Variants in MAP3K12 observed in about 807,000 individuals in gnomAD.
MAP3K12 encodes MAPK-upstream kinase.
Under a neutral mutation model 87.5 loss-of-function variants are expected in MAP3K12, and 14 were observed. The ratio of observed to expected loss-of-function variants is 0.16; its 90% CI spans 0.11 to 0.25. The LOEUF is 0.25. MAP3K12 is among the 10% of genes least tolerant of loss of function. The pLI, the probability that MAP3K12 is intolerant of heterozygous loss-of-function variation, is 1.00. For missense variants in MAP3K12, 802 were observed against 1,140.4 expected (o/e 0.70, Z 4.27); for synonymous variants, 469 against 452.5 (o/e 1.04, Z -0.46).
chr12:53,498,886 A>C (rs1453685754), intron 1 of MAP3K12, among the ~76,000 whole-genome samples: 2 of 143,794 alleles, frequency 1.4e-5, no homozygotes, highest in African/African-American at 5.3e-5. Flanking sequence ...GTGCTCTCTG[A>C]CTAATCTTCA....
At position 53,487,294 on chromosome 12, in the gene MAP3K12, G is replaced by A; in HGVS notation, c.98C>T (p.Thr33Ile). 6.2e-7 allele frequency: 1 copy of A among 1,614,066 alleles called. No individual in the cohort carries two copies. Residue 33 changes from threonine (T) to isoleucine (I), a missense_variant, in exon 2 of 14, where the codon ACT becomes ATT. Physicochemically the swap from Thr to Ile is moderately conservative, Grantham distance 89. Coordinates refer to ENST00000547488, the MANE Select transcript of MAP3K12 (RefSeq NM_001193511.2). ...GTCCTTCTCGGGAGTGCAGTCAGAA[G>A]TGTCTGGGTCCAGCTTGCGCATGGA... ...EASMRKLDPD[T>I]SDCTPEKDLT...
chr12:53,492,450 T>TGCGCGCGC (rs764285512), intron 1 of MAP3K12, among the ~76,000 whole-genome samples: 11 of 151,112 alleles, frequency 7.3e-5, no homozygotes, highest in Admixed American at 7.3e-4. Context: ...ACACTCTCTC[T>TGCGCGCGC]GCGCGCGCGC....
upstream of MAP3K12, chr12:53,500,456 C>T (rs1455089655): frequency 6.6e-6 from 1 of 152,240 alleles, no homozygotes; most frequent in Admixed American, 6.5e-5. Flanking sequence ...ATTATCAGGC[C>T]CCAGAGGTTT....
chr12:53,488,281 T>C lies in MAP3K12; in HGVS notation c.-37-853A>G, dbSNP rs141565759. On this transcript the variant is annotated intron_variant, in intron 1 of 13. Transcript: ENST00000547488. Reference sequence around the variant, plus strand: ...GTCAAACAAGGTCTTGTCTTCTCTTTCCTCTTCTCCATTGCCCCATCCTCT... The same window carrying C: ...GTCAAACAAGGTCTTGTCTTCTCTTCCCTCTTCTCCATTGCCCCATCCTCT... Among the ~76,000 whole-genome samples the C allele has an allele frequency of 4.0e-3, 609 of 152,338 alleles. 4 individuals carry two copies. The highest frequency in any genetic ancestry group is 0.012 in the African/African-American group (485 of 41,560).
At chr12:53,497,987 G>A (rs1374959486) in intron 1 of MAP3K12, among the ~76,000 whole-genome samples, 1 of 152,152 alleles carries the variant, frequency 6.6e-6, no homozygotes, top group Non-Finnish European at 1.5e-5. Context: ...CAGCTATAAG[G>A]AAGCCTAGGA....
intron 1 of MAP3K12, among the ~76,000 whole-genome samples, chr12:53,490,326 G>A (rs1279580382): frequency 2.0e-5 from 3 of 151,984 alleles, no homozygotes; most frequent in Non-Finnish European, 4.4e-5. Flanking sequence ...AAACAGATTG[G>A]GCCAGGCATG....
chr12:53,485,738 A>C, intron 4 of MAP3K12: 1 of 509,444 alleles, frequency 2.0e-6, no homozygotes, highest in East Asian at 3.6e-5. Context: ...TTGTATTTTT[A>C]TTAGAGACGA....
chr12:53,495,263 CA>C, intron 1 of MAP3K12, among the ~76,000 whole-genome samples: 1 of 136,062 alleles, frequency 7.3e-6, no homozygotes, highest in East Asian at 2.4e-4. Flanking sequence ...GGCGTGAACC[CA>C]GGGGGCGGAG....
At chr12:53,493,560 A>G (rs1275400712) in intron 1 of MAP3K12, 1 of 152,800 alleles carries the variant, frequency 6.5e-6, no homozygotes, top group East Asian at 1.9e-4. Context: ...AGCGGAGTCA[A>G]CCCCGAGAAG....
rs888488589 is a variant in MAP3K12, at chr12:53,479,894, G to A, written c.*1288C>T. ...TTTTTGTACCTTTTATCCCTCAAAGGACCCTTCTTGGGTTTTGAATGGAAG... is the reference window on the plus strand; with the variant it reads ...TTTTTGTACCTTTTATCCCTCAAAGAACCCTTCTTGGGTTTTGAATGGAAG... On this transcript the variant is annotated 3_prime_UTR_variant, in exon 14 of 14. Coordinates refer to ENST00000547488, the MANE Select transcript of MAP3K12 (RefSeq NM_001193511.2). 1.3e-5 allele frequency: 2 copies of A among 152,744 alleles called. No individual in the cohort carries two copies. The highest frequency in any genetic ancestry group is 2.1e-4 in the South Asian group (1 of 4,872). 9.5% of individuals were successfully genotyped at this position (152,744 alleles called of 1,614,324 possible).
intron 13 of MAP3K12, chr12:53,481,583 T>C: frequency 3.1e-6 from 1 of 320,670 alleles, no homozygotes. Flanking sequence ...CTCCTGACCT[T>C]GTGATCCACC....
chr12:53,486,876 T>G lies in MAP3K12; in HGVS notation c.445+71A>C. The G allele has an allele frequency of 6.3e-7, 1 of 1,583,734 alleles. No individual in the cohort carries two copies. The highest frequency in any genetic ancestry group is 1.2e-5 in the South Asian group (1 of 85,580). On this transcript the variant is annotated intron_variant, in intron 2 of 13. Coordinates refer to ENST00000547488, the MANE Select transcript of MAP3K12 (RefSeq NM_001193511.2). The surrounding 1 kb of genome is among the most constrained non-coding windows in gnomAD (Gnocchi z 4.9). The stretch of plus-strand genomic sequence containing the variant: ...GGAGGGAAGGGACCATTGCGTGACT[T>G]TAGCGGAGCTGACCAACAGATCTCG...
chr12:53,481,334 C>T (rs1943032811), intron 13 of MAP3K12, 54 bp from the exon 14 acceptor site: 2 of 1,017,860 alleles, frequency 2.0e-6, no homozygotes, highest in South Asian at 4.0e-5. Flanking sequence ...TTGCTGGGGT[C>T]ATTTTAATAG....
rs1476385268 is a variant in MAP3K12, at chr12:53,480,153, T to G, written c.*1029A>C. 5 of 152,184 alleles carry G rather than the reference T, an allele frequency of 3.3e-5. No homozygotes were observed. Among genetic ancestry groups the G allele is most frequent in the Admixed American group, 1.3e-4 (2 of 15,278 alleles). The allele number at this position is 152,184 out of a possible 1,614,324, so 9.4% of individuals were successfully genotyped here. On this transcript the variant is annotated 3_prime_UTR_variant, in exon 14 of 14. Coordinates refer to ENST00000547488, the MANE Select transcript of MAP3K12 (RefSeq NM_001193511.2). Reference sequence around the variant, plus strand: ...CACATGACATACATGGCATACACATTAAGCAGTTGATCATATGTCTGACTG... The same window carrying G: ...CACATGACATACATGGCATACACATGAAGCAGTTGATCATATGTCTGACTG...
chr12:53,492,569 G>T (rs773042982), intron 1 of MAP3K12, among the ~76,000 whole-genome samples: 1 of 152,142 alleles, frequency 6.6e-6, no homozygotes, highest in Non-Finnish European at 1.5e-5. Context: ...GGCCCAGAAA[G>T]CACAAATCAC....
At position 53,491,866 on chromosome 12, in the gene MAP3K12, G is replaced by T. The variant is rs80335608; in HGVS notation, c.-37-4438C>A. Among the ~76,000 whole-genome samples the T allele has an allele frequency of 3.4e-3, 515 of 151,778 alleles. 8 individuals are homozygous for T. In the East Asian group the frequency reaches 0.041, roughly 12 times the overall value. ...AGGTGGGCGGATCGCTTGAGCTCGG[G>T]AGTTTGAGACCAGCCTGGGGAACAT... On this transcript the variant is annotated intron_variant, in intron 1 of 13. Coordinates refer to ENST00000547488, the MANE Select transcript of MAP3K12 (RefSeq NM_001193511.2).
Position 53,486,015 on chromosome 12 carries a change from C to A in MAP3K12, c.821+41G>T. 2 of 1,555,346 alleles carry A rather than the reference C, an allele frequency of 1.3e-6. No individual in the cohort carries two copies. The highest frequency in any genetic ancestry group is 1.2e-5 in the South Asian group (1 of 81,826). On this transcript the variant is annotated intron_variant, in intron 4 of 13. Coordinates refer to ENST00000547488, the MANE Select transcript of MAP3K12 (RefSeq NM_001193511.2). The surrounding 1 kb of genome is among the most constrained non-coding windows in gnomAD (Gnocchi z 4.9). ...GAAGGCCACACTGACTTGAGTGGGT[C>A]ACCTGCATGCACATCTGTTGCTCCC... is the stretch of plus-strand genomic sequence containing the variant.
intron 6 of MAP3K12, chr12:53,484,776 A>G: frequency 7.9e-6 from 4 of 504,170 alleles, no homozygotes; most frequent in Non-Finnish European, 1.4e-5. Flanking sequence ...CTTGGTGGTT[A>G]TGCTGCTCCT....
rs1181830709 is a variant in MAP3K12, at chr12:53,481,144, A to G, written c.*38T>C. The G allele has an allele frequency of 1.1e-6, 1 of 887,376 alleles. No homozygotes were observed. Among genetic ancestry groups the G allele is most frequent in the African/African-American group, 1.8e-5 (1 of 55,988 alleles). The allele number at this position is 887,376 out of a possible 1,614,324, so 55.0% of individuals were successfully genotyped here. A position where few individuals can be genotyped will look rare whatever the true frequency, so the allele number is the denominator to read the frequency against. On this transcript the variant is annotated 3_prime_UTR_variant, in exon 14 of 14. Transcript: ENST00000547488. ...ATATATGTATATATATATAATTTAT[A>G]TAAATATTTCTCTATGTACAAGGAA... is the stretch of plus-strand genomic sequence containing the variant.
Sources: gnomAD v4.1 joint callset for allele counts (sites outside exome capture counted in the v4.1 genomes callset) on GRCh38, gnomAD v4.1.1 for gene constraint, Gnocchi (gnomAD v3.1) non-coding constraint, MANE v1.5 for transcripts, NCBI Gene and HGNC (gene_info 2026-07-23, HGNC 2026-07-21) for gene names.